MGAT4B: variants seen among roughly 807,000 people sequenced by gnomAD.
MGAT4B encodes alpha-1,3-mannosyl-glycoprotein 4-beta-N-acetylglucosaminyltransferase B.
Under a neutral mutation model 73.9 loss-of-function variants are expected in MGAT4B, and 38 were observed. The ratio of observed to expected loss-of-function variants is 0.51; its 90% CI spans 0.40 to 0.67. MGAT4B has a LOEUF of 0.67. Among genes scored for constraint, MGAT4B ranks in the 30% least tolerant of loss-of-function variants. The pLI is 0.00. For missense variants in MGAT4B, 686 were observed against 735.2 expected (o/e 0.93, Z 0.77); for synonymous variants, 373 against 313.5 (o/e 1.19, Z -2.01).
chr5:179,798,773 G>A, intron 11 of MGAT4B, 155 bp downstream of exon 11: 1 of 1,089,512 alleles, frequency 9.2e-7, no homozygotes, highest in Non-Finnish European at 1.3e-6. Context: ...AGCTCCTAGG[G>A]GCTGCCTGAC....
rs1034970585 is a variant in MGAT4B at position 179,801,063 on chromosome 5, G to C, written c.559-110C>G. On this transcript the variant is annotated intron_variant, in intron 4 of 14. Transcript: ENST00000292591. The surrounding 1 kb of genome is among the most constrained non-coding windows in gnomAD (Gnocchi z 4.8). ...GATGCCCCCCACGTGGAGGGAGTGA[G>C]CCTGCTGTGCTGAGGGCGGAGTAAG... is the stretch of plus-strand genomic sequence containing the variant. 11 of 1,391,766 alleles carry C rather than the reference G, an allele frequency of 7.9e-6. No individual in the cohort carries two copies. In the Admixed American group the frequency reaches 1.5e-4, roughly 19 times the overall value. 86.2% of individuals were successfully genotyped at this position (1,391,766 alleles called of 1,614,324 possible). A position where few individuals can be genotyped will look rare whatever the true frequency, so the allele number is the denominator to read the frequency against.
rs1187032819 is a variant in MGAT4B at position 179,798,385 on chromosome 5, A to C, written c.1472T>G (p.Leu491Arg). 2 of 1,612,874 alleles carry C rather than the reference A, an allele frequency of 1.2e-6. No homozygotes were observed. Among genetic ancestry groups the C allele is most frequent in the Admixed American group, 1.7e-5 (1 of 60,012 alleles). The change falls in exon 13 of 15, where the codon CTC becomes CGC. Residue 491 changes from leucine to arginine, a missense_variant. This residue lies in a region of MGAT4B where 449 missense variants were observed against 536.8 expected (regional missense o/e 0.84). Coordinates refer to ENST00000292591, the MANE Select transcript of MGAT4B (RefSeq NM_014275.5). Reference protein sequence around the residue: ...EALQEGRTATLRYPRSPDGYL... With the variant: ...EALQEGRTATRRYPRSPDGYL... Reference sequence around the variant, plus strand: ...GCCGTCGGGGCTCCGAGGGTACCGGAGGGTGGCGGTGCGGCCCTCCTGCAG... The same window carrying C: ...GCCGTCGGGGCTCCGAGGGTACCGGCGGGTGGCGGTGCGGCCCTCCTGCAG...
intron 1 of MGAT4B, chr5:179,803,049 A>G (rs2113438055): frequency 1.0e-6 from 1 of 985,512 alleles, no homozygotes. Context: ...GATCAAGGTC[A>G]TGATCAGGCA....
rs749437560 is a variant in MGAT4B, at chr5:179,798,962, G to A, written c.1309C>T (p.Arg437Cys). 9.3e-6 allele frequency: 15 copies of A among 1,613,562 alleles called. No individual in the cohort carries two copies. The highest frequency in any genetic ancestry group is 1.3e-5 in the African/African-American group (1 of 74,928). ...AFTPAAGDFIRFRFFQPLRLE... is the reference protein window; with the variant it reads ...AFTPAAGDFICFRFFQPLRLE... ...CTTAGAGGTTGGAAGAAGCGGAAGCGGATGAAGTCCCCCGCGGCAGGGGTG... is the reference window on the plus strand; with the variant it reads ...CTTAGAGGTTGGAAGAAGCGGAAGCAGATGAAGTCCCCCGCGGCAGGGGTG... The change falls in exon 11 of 15, where the codon CGC (arginine) becomes TGC (cysteine). Residue 437 changes from arginine to cysteine, a missense_variant. Arg to Cys is a radical substitution (Grantham distance 180, BLOSUM62 -3). Transcript: ENST00000292591.
rs1257517576 is a variant in MGAT4B at position 179,800,214 on chromosome 5, G to A, written c.765C>T (p.Tyr255=). ...CGTAGTAGATGCCTTTGGACTGCGC[G>A]TACATCATGAGGAAGCAGTAATCGA... ...QNLDYCFLMM[Y]AQSKGIYYVQ... Residue 255 remains tyrosine (Y), a synonymous_variant, in exon 7 of 15, where the codon TAC becomes TAT. Transcript: ENST00000292591. 10 of 1,613,606 alleles carry A rather than the reference G, an allele frequency of 6.2e-6. No homozygotes were observed. Among genetic ancestry groups the A allele is most frequent in the South Asian group, 4.4e-5 (4 of 91,088 alleles).
Position 179,799,260 on chromosome 5 carries a change from G to C in MGAT4B, c.1092C>G (p.Ser364=). 6.2e-7 allele frequency: 1 copy of C among 1,614,008 alleles called. No individual in the cohort carries two copies. The highest frequency in any genetic ancestry group is 1.1e-5 in the South Asian group (1 of 91,080). Residue 364 remains serine, a synonymous_variant, in exon 10 of 15, where the codon TCC becomes TCG. Coordinates refer to ENST00000292591, the MANE Select transcript of MGAT4B (RefSeq NM_014275.5). ...AGTGAGTGCCCACGTGCTGGAAGAGGGACGGTTTGAAGCGGATCCGCAGGT... is the reference window on the plus strand; with the variant it reads ...AGTGAGTGCCCACGTGCTGGAAGAGCGACGGTTTGAAGCGGATCCGCAGGT... The part of the protein sequence containing the change: ...KANLRIRFKP[S]LFQHVGTHSS...
intron 1 of MGAT4B, among the ~76,000 whole-genome samples, chr5:179,804,774 C>G (rs1282966857): frequency 6.6e-6 from 1 of 152,154 alleles, no homozygotes; most frequent in South Asian, 2.1e-4. Flanking sequence ...TCTGGTTTCA[C>G]CAGGGGTTTA....
In MGAT4B at chr5:179,801,975, G is replaced by A. The variant is rs773419666; in HGVS notation, c.98-6C>T. The A allele has an allele frequency of 3.7e-6, 6 of 1,613,276 alleles. No homozygotes were observed. The highest frequency in any genetic ancestry group is 5.1e-6 in the Non-Finnish European group (6 of 1,180,006). ...GTAAACGTCCACAACGTCGCCTGCAGGTGGTAGGCAAGCCGTCACGAGGGG... is the reference window on the plus strand; with the variant it reads ...GTAAACGTCCACAACGTCGCCTGCAAGTGGTAGGCAAGCCGTCACGAGGGG... On this transcript the variant is annotated splice_region_variant and splice_polypyrimidine_tract_variant and intron_variant, in intron 1 of 14. Coordinates refer to ENST00000292591, the MANE Select transcript of MGAT4B (RefSeq NM_014275.5). This position sits in a 1 kb window ranked among gnomAD's most constrained non-coding sequence, Gnocchi z 4.8.
At chr5:179,802,743 C>T (rs926204683) in intron 1 of MGAT4B, 9 of 985,358 alleles carry the variant, frequency 9.1e-6, no homozygotes, top group South Asian at 9.4e-5. Flanking sequence ...TGGGGCTGCC[C>T]GACAGTAGAG....
At chr5:179,804,966 C>T (rs1181646157) in intron 1 of MGAT4B, 6 of 152,250 alleles carry the variant, frequency 3.9e-5, no homozygotes, top group African/African-American at 1.2e-4. Flanking sequence ...GGCTTCTATC[C>T]CCTAGGGGCT....
intron 1 of MGAT4B, chr5:179,802,740 G>A: frequency 4.1e-6 from 4 of 985,544 alleles, no homozygotes; most frequent in Non-Finnish European, 4.8e-6. Context: ...AGGTGGGGCT[G>A]CCCGACAGTA....
rs765249259 is a variant in MGAT4B, at chr5:179,801,726, C to T, written c.284-32G>A. ...GGGTCGGGAAGGATCGGGACTGAGA[C>T]CAGGGAACCTACAACCAGCCCGCCC... On this transcript the variant is annotated intron_variant, in intron 2 of 14. Transcript: ENST00000292591. The surrounding 1 kb of genome is among the most constrained non-coding windows in gnomAD (Gnocchi z 4.8). The T allele has an allele frequency of 1.3e-6, 2 of 1,596,340 alleles. No individual in the cohort carries two copies. The highest frequency in any genetic ancestry group is 3.5e-5 in the Admixed American group (2 of 57,950).
At chr5:179,803,878 A>G (rs956107730) in intron 1 of MGAT4B, 4 of 153,284 alleles carry the variant, frequency 2.6e-5, no homozygotes, top group African/African-American at 7.2e-5. Context: ...CCTTGCCCTC[A>G]GCTTCTCTGA....
At chr5:179,800,154 G>GGGCAA in intron 7 of MGAT4B, 30 bp downstream of exon 7, 1 of 1,612,998 alleles carries the variant, frequency 6.2e-7, no homozygotes, top group Non-Finnish European at 8.5e-7. Context: ...GCGCAGGGCA[G>GGGCAA]GGCAGGGCAA....
At chr5:179,800,851 C>A in intron 5 of MGAT4B, 56 bp downstream of exon 5, 2 of 1,588,220 alleles carry the variant, frequency 1.3e-6, no homozygotes, top group Non-Finnish European at 1.7e-6. Context: ...CCTGCCAGCA[C>A]AACACCCCGC....
chr5:179,802,208 A>G (rs1756977885), intron 1 of MGAT4B: 7 of 1,474,680 alleles, frequency 4.7e-6, no homozygotes, highest in Non-Finnish European at 6.3e-6. Context: ...ACCGGGGGTT[A>G]TTTTATCCTC....
intron 14 of MGAT4B, 48 bp downstream of exon 14, chr5:179,798,117 G>T: frequency 6.2e-7 from 1 of 1,600,136 alleles, no homozygotes; most frequent in Non-Finnish European, 8.5e-7. Flanking sequence ...CTCCGCCAGG[G>T]TCTCCCTGGC....
Position 179,799,086 on chromosome 5 carries a change from C to T in MGAT4B, c.1185G>A (p.Glu395=), listed in dbSNP as rs1372645269. 7.4e-6 allele frequency: 12 copies of T among 1,613,968 alleles called. No homozygotes were observed. The highest frequency in any genetic ancestry group is 1.0e-5 in the Non-Finnish European group (12 of 1,180,046). The change falls in exon 11 of 15, where the codon GAG becomes GAA. Residue 395 remains glutamate (E), a synonymous_variant. Coordinates refer to ENST00000292591, the MANE Select transcript of MGAT4B (RefSeq NM_014275.5). The part of the protein sequence containing the change: ...KDFGKQALRK[E]HVNPPAEVST... ...TCACCTCTGCTGGCGGGTTCACATGCTCCTTCCGCAGCGCCTGCTTTCCAA... is the reference window on the plus strand; with the variant it reads ...TCACCTCTGCTGGCGGGTTCACATGTTCCTTCCGCAGCGCCTGCTTTCCAA...
At chr5:179,802,043 C>G (rs1351928444) in intron 1 of MGAT4B, 74 bp from the exon 2 acceptor site, 10 of 1,610,944 alleles carry the variant, frequency 6.2e-6, no homozygotes, top group Non-Finnish European at 8.5e-6. Flanking sequence ...TGTGCCAGCG[C>G]ACACATCTGG....
Sources: gnomAD v4.1 joint callset for allele counts (sites outside exome capture counted in the v4.1 genomes callset) on GRCh38, gnomAD v4.1.1 for gene constraint, gnomAD v4.1.1 regional missense constraint, Gnocchi (gnomAD v3.1) non-coding constraint, MANE v1.5 for transcripts, NCBI Gene and HGNC (gene_info 2026-07-23, HGNC 2026-07-21) for gene names.